The following GABRA2 variants were observed in gnomAD, a reference collection of about 807,000 sequenced individuals.
GABRA2 encodes the protein gamma-aminobutyric acid type A receptor subunit alpha2.
A neutral mutation model predicts 48.7 loss-of-function variants in GABRA2; 16 were observed. The observed-to-expected ratio is 0.33, with a 90% CI of 0.22 to 0.50. The LOEUF is 0.50. Among genes scored for constraint, GABRA2 ranks in the 20% least tolerant of loss-of-function variants. The pLI is 0.98. For missense variants in GABRA2, 275 were observed against 535.6 expected, an observed-to-expected ratio of 0.51 and a Z score of 4.80; for synonymous variants, 185 against 184.5, an observed-to-expected ratio of 1.00 and a Z score of -0.02.
chr4:46,262,998 GAGAA>G (rs1331668742), intron 8 of GABRA2, among the ~76,000 whole-genome samples: 235 of 151,208 alleles, frequency 1.6e-3, no homozygotes, highest in African/African-American at 5.2e-3. Flanking sequence ...GAGGGAGAGA[GAGAA>G]AGAAAGAAAG....
intron 9 of GABRA2, among the ~76,000 whole-genome samples, chr4:46,258,937 A>T (rs1716403919): frequency 6.6e-6 from 1 of 151,914 alleles, no homozygotes; most frequent in African/African-American, 2.4e-5. Context: ...TAACATTGCA[A>T]GCAATGCTTT....
At chr4:46,353,259 C>T (rs1735436422) in intron 3 of GABRA2, among the ~76,000 whole-genome samples, 1 of 152,032 alleles carries the variant, frequency 6.6e-6, no homozygotes, top group African/African-American at 2.4e-5. Flanking sequence ...TATCCAGATT[C>T]CTATCACCTG....
At chr4:46,336,535 T>A (rs996205487) in intron 3 of GABRA2, among the ~76,000 whole-genome samples, 2 of 152,168 alleles carry the variant, frequency 1.3e-5, no homozygotes, top group Non-Finnish European at 2.9e-5. Flanking sequence ...ATAGCTGACA[T>A]GAGAATACCA....
At position 46,275,992 on chromosome 4, in the gene GABRA2, C is replaced by T. The variant is rs148106774; in HGVS notation, c.857-13864G>A. On this transcript the variant is annotated intron_variant, in intron 8 of 9. Transcript: ENST00000381620. ...AAATATTTTACTATCTAGTGATAAC[C>T]TTAGCCTTATAAAAAGTAGAATAAT... is the stretch of plus-strand genomic sequence containing the variant. Among the ~76,000 whole-genome samples, 664 of 152,012 alleles carry T rather than the reference C, an allele frequency of 4.4e-3. 6 individuals are homozygous for T. Among genetic ancestry groups the T allele is most frequent in the African/African-American group, 0.015 (610 of 41,480 alleles).
At chr4:46,315,109 G>T (rs563923890) in intron 4 of GABRA2, among the ~76,000 whole-genome samples, 15 of 150,772 alleles carry the variant, frequency 9.9e-5, no homozygotes, top group Admixed American at 2.0e-4. Context: ...CCCAGCAACA[G>T]TGTGTAAGTA....
chr4:46,288,058 G>T (rs1209260489), intron 8 of GABRA2, among the ~76,000 whole-genome samples: 1 of 152,090 alleles, frequency 6.6e-6, no homozygotes, highest in Admixed American at 6.5e-5. Context: ...TCACTATCAT[G>T]AGAACAGAAT....
Position 46,250,586 on chromosome 4 carries a change from C to A in GABRA2, c.1078G>T (p.Val360Phe). 1.9e-6 allele frequency: 3 copies of A among 1,590,162 alleles called. No individual in the cohort carries two copies. Among genetic ancestry groups the A allele is most frequent in the Non-Finnish European group, 1.7e-6 (2 of 1,170,520 alleles). Residue 360 changes from valine (V) to phenylalanine (F), a missense_variant, in exon 10 of 10, where the codon GTT (valine) becomes TTT (phenylalanine). Val to Phe is a conservative substitution (Grantham distance 50, BLOSUM62 -1). Transcript: ENST00000381620. ...GCATAAGCGTTGTTCTGTATCATAA[C>A]GGAAGCCTTTTCTTTTTTCTATTGA... ...VNDKKKEKAS[V>F]MIQNNAYAVA...
chr4:46,372,663 T>C (rs561753862), intron 3 of GABRA2, among the ~76,000 whole-genome samples: 87 of 152,190 alleles, frequency 5.7e-4, no homozygotes, highest in Non-Finnish European at 9.6e-4. Context: ...AAGGCTACTA[T>C]GATAATTCTT....
intron 3 of GABRA2, among the ~76,000 whole-genome samples, chr4:46,378,171 A>T (rs1034514012): frequency 4.6e-5 from 7 of 152,068 alleles, no homozygotes; most frequent in Admixed American, 1.3e-4. Flanking sequence ...CCAACAGCTC[A>T]TTGAGAACGG....
At chr4:46,389,165 C>A (rs1717893764) in intron 1 of GABRA2, 1 of 989,002 alleles carries the variant, frequency 1.0e-6, no homozygotes, top group Non-Finnish European at 1.2e-6. Flanking sequence ...TCAACCAAGA[C>A]CACCTCCGCA....
chr4:46,302,206 C>T (rs74765597), intron 8 of GABRA2, among the ~76,000 whole-genome samples: 2,220 of 151,990 alleles, frequency 0.015, 48 homozygotes, highest in African/African-American at 0.05. Context: ...GTAGTGGCAA[C>T]TATAGGTGTG....
At chr4:46,252,977 C>A (rs749321767) in intron 9 of GABRA2, among the ~76,000 whole-genome samples, 1 of 151,308 alleles carries the variant, frequency 6.6e-6, no homozygotes, top group Non-Finnish European at 1.5e-5. Context: ...CAAATCATAA[C>A]TATTACAAGC....
rs573684593 is a variant in GABRA2 at position 46,243,916 on chromosome 4, T to C, written c.*6392A>G. On this transcript the variant is annotated 3_prime_UTR_variant, in exon 10 of 10. Transcript: ENST00000381620. ...TTCTATTCAAATGTAGCAATAAGTA[T>C]GACATTTTTTAAAGTTTTCACTCAC... is the stretch of plus-strand genomic sequence containing the variant. 33 of 151,734 alleles carry C rather than the reference T, an allele frequency of 2.2e-4. No individual in the cohort carries two copies. The South Asian group carries it at 6.6e-3, about 30-fold the overall frequency. The allele number at this position is 151,734 out of a possible 1,614,324, so 9.4% of individuals were successfully genotyped here. A position where few individuals can be genotyped will look rare whatever the true frequency, so the allele number is the denominator to read the frequency against.
At chr4:46,290,072 C>T (rs1462924119) in intron 8 of GABRA2, among the ~76,000 whole-genome samples, 1 of 140,116 alleles carries the variant, frequency 7.1e-6, no homozygotes, top group African/African-American at 2.6e-5. Flanking sequence ...CCACCGTGCC[C>T]GGCTCATTTT....
At chr4:46,266,108 T>A (rs1017466878) in intron 8 of GABRA2, among the ~76,000 whole-genome samples, 1 of 151,872 alleles carries the variant, frequency 6.6e-6, no homozygotes, top group South Asian at 2.1e-4. Context: ...GAATGCTCCA[T>A]GCCCAGTTGA....
Position 46,254,532 on chromosome 4 carries a change from T to C in GABRA2, c.1060-3928A>G, listed in dbSNP as rs1715430180. Among the ~76,000 whole-genome samples the C allele has an allele frequency of 2.0e-5, 3 of 151,396 alleles. No individual in the cohort carries two copies. The South Asian group carries it at 6.2e-4, about 31-fold the overall frequency. On this transcript the variant is annotated intron_variant, in intron 9 of 9. Coordinates refer to ENST00000381620, the MANE Select transcript of GABRA2 (RefSeq NM_000807.4). ...TAAGGCACCTAGATAGGCCACTTCA[T>C]ATCATTTATGAGAATAAGGCCAGGT...
chr4:46,258,320 C>T (rs529408294), intron 9 of GABRA2, among the ~76,000 whole-genome samples: 7 of 151,824 alleles, frequency 4.6e-5, no homozygotes, highest in African/African-American at 9.6e-5. Context: ...TTACAAACTA[C>T]GATAAAGGTT....
chr4:46,329,398 G>A (rs924143616), intron 4 of GABRA2, among the ~76,000 whole-genome samples: 18 of 152,048 alleles, frequency 1.2e-4, no homozygotes, highest in African/African-American at 2.2e-4. Context: ...AGCTTCAAAC[G>A]ACTGACATGC....
At chr4:46,290,047 G>A (rs1333869556) in intron 8 of GABRA2, among the ~76,000 whole-genome samples, 2 of 150,616 alleles carry the variant, frequency 1.3e-5, no homozygotes, top group African/African-American at 2.4e-5. Context: ...GAGTAGCTGG[G>A]ATTACAGGCG....
Sources: allele counts gnomAD v4.1 joint callset (sites outside exome capture counted in the v4.1 genomes callset), GRCh38; gene constraint gnomAD v4.1.1; transcripts MANE v1.5; gene names NCBI Gene and HGNC (gene_info 2026-07-23, HGNC 2026-07-21).